The following CFH variants were observed in gnomAD, a reference collection of about 807,000 sequenced individuals.
CFH encodes H factor 1 (complement).
In CFH, 53 loss-of-function variants were observed where a neutral mutation model predicts 147.3. That is an observed-to-expected ratio of 0.36 (90% CI 0.29 to 0.45). The LOEUF is 0.45. Among genes scored for constraint, CFH ranks in the 20% least tolerant of loss-of-function variants. The probability of loss-of-function intolerance (pLI) is 1.00; values close to 1 mark genes in which losing one functional copy is unlikely to be tolerated. For synonymous variants in CFH, 536 were observed against 489.4 expected (o/e 1.10, Z -1.26); for missense variants, 1,380 against 1,498.0 (o/e 0.92, Z 1.30).
At position 196,741,787 on chromosome 1, in the gene CFH, A is replaced by G. The variant is rs385543; in HGVS notation, c.2957-88A>G. On this transcript the variant is annotated intron_variant, in intron 18 of 21. Coordinates refer to ENST00000367429, the MANE Select transcript of CFH (RefSeq NM_000186.4). ...GTTGTACAGTATTCATTGATTCTAT[A>G]TATCGCTATTTTAGAATCCATTACA... The G allele has an allele frequency of 0.014, 16,719 of 1,215,488 alleles. 1,387 individuals are homozygous for G. In the African/African-American group the frequency reaches 0.2, roughly 14 times the overall value. The allele number at this position is 1,215,488 out of a possible 1,614,324, so 75.3% of individuals were successfully genotyped here. A position where few individuals can be genotyped will look rare whatever the true frequency, so the allele number is the denominator to read the frequency against.
intron 1 of CFH, among the ~76,000 whole-genome samples, chr1:196,662,991 C>G (rs557093776): frequency 1.3e-5 from 2 of 151,982 alleles, no homozygotes; most frequent in African/African-American, 4.8e-5. Flanking sequence ...TGATTAATAC[C>G]TGGTGGCGTC....
In CFH at chr1:196,663,295, A is replaced by G. The variant is rs182652776; in HGVS notation, c.59-9683A>G. On this transcript the variant is annotated intron_variant, in intron 1 of 21. Transcript: ENST00000367429. ...TGTGTGTCTCCATGTTGCATCCTGTATTATTTCTTTTGACCTGCCCTCCTG... is the reference window on the plus strand; with the variant it reads ...TGTGTGTCTCCATGTTGCATCCTGTGTTATTTCTTTTGACCTGCCCTCCTG... 3.3e-5 allele frequency among the ~76,000 whole-genome samples: 5 copies of G among 152,102 alleles called. No homozygotes were observed. In the East Asian group the frequency reaches 9.7e-4, roughly 29 times the overall value.
chr1:196,692,210 A>G (rs1484395607), intron 9 of CFH, among the ~76,000 whole-genome samples: 1 of 151,962 alleles, frequency 6.6e-6, no homozygotes, highest in Admixed American at 6.6e-5. Flanking sequence ...CCTCGCTGCA[A>G]CCTCCACTCC....
chr1:196,706,920 C>G (rs931212499), intron 9 of CFH, among the ~76,000 whole-genome samples: 9 of 152,086 alleles, frequency 5.9e-5, no homozygotes, highest in Admixed American at 5.9e-4. Context: ...TTTTTAGATA[C>G]ATTTTCAAGA....
intron 7 of CFH, among the ~76,000 whole-genome samples, chr1:196,689,183 A>G (rs1667938620): frequency 6.6e-6 from 1 of 152,154 alleles, no homozygotes; most frequent in African/African-American, 2.4e-5. Context: ...GAGAGCCTTC[A>G]TACAAATTTA....
In CFH at chr1:196,690,231, T is replaced by A; in HGVS notation, c.1328T>A (p.Ile443Asn). 6.2e-7 allele frequency: 1 copy of A among 1,613,252 alleles called. No homozygotes were observed. Among genetic ancestry groups the A allele is most frequent in the Non-Finnish European group, 8.5e-7 (1 of 1,179,498 alleles). ...GGCTGGTCTCCTACTCCCAGATGCATCCGTGTCAGTAAGTACACTACTCTG... is the reference window on the plus strand; with the variant it reads ...GGCTGGTCTCCTACTCCCAGATGCAACCGTGTCAGTAAGTACACTACTCTG... The part of the protein sequence containing the change: ...ENGWSPTPRC[I>N]RVKTCSKSSI... The change falls in exon 9 of 22, where the codon ATC (isoleucine) becomes AAC (asparagine). Residue 443 changes from isoleucine (I) to asparagine (N), a missense_variant. Ile to Asn is a moderately radical substitution (Grantham distance 149, BLOSUM62 -3). Transcript: ENST00000367429.
At chr1:196,687,159 C>A (rs1284832536) in intron 7 of CFH, among the ~76,000 whole-genome samples, 1 of 151,978 alleles carries the variant, frequency 6.6e-6, no homozygotes, top group Non-Finnish European at 1.5e-5. Context: ...ATATTAGCAG[C>A]AGTTATAAAA....
Position 196,715,744 on chromosome 1 carries a change from T to G in CFH, c.1671T>G (p.Gly557=). Residue 557 remains glycine, a synonymous_variant, in exon 11 of 22, where the codon GGT becomes GGG. Transcript: ENST00000367429. ...GTTCCATAGTGTGTGGTTACAATGG[T>G]TGGTCTGATTTACCCATATGTTATG... The part of the protein sequence containing the change: ...TTGSIVCGYN[G]WSDLPICYER... 1 of 1,612,648 alleles carries G rather than the reference T, an allele frequency of 6.2e-7. No homozygotes were observed. The highest frequency in any genetic ancestry group is 8.5e-7 in the Non-Finnish European group (1 of 1,179,068).
intron 9 of CFH, among the ~76,000 whole-genome samples, chr1:196,695,571 C>T (rs1482885680): frequency 6.6e-6 from 1 of 152,064 alleles, no homozygotes; most frequent in African/African-American, 2.4e-5. Flanking sequence ...ATGGGAATAG[C>T]ATTGTATGTA....
chr1:196,741,007 C>T (rs962957093), intron 18 of CFH: 11 of 562,938 alleles, frequency 2.0e-5, no homozygotes, highest in African/African-American at 5.6e-5. Flanking sequence ...GAACTTTAAG[C>T]ATCCTCTGAT....
intron 6 of CFH, among the ~76,000 whole-genome samples, chr1:196,680,040 T>C (rs1359706895): frequency 2.6e-5 from 4 of 151,898 alleles, no homozygotes; most frequent in African/African-American, 4.8e-5. Flanking sequence ...CATTGGTCTA[T>C]CATCAAAAAC....
intron 15 of CFH, among the ~76,000 whole-genome samples, chr1:196,732,845 G>A (rs901715679): frequency 2.6e-5 from 4 of 152,024 alleles, no homozygotes; most frequent in Non-Finnish European, 4.4e-5. Context: ...GTGAATGTGC[G>A]TGTTTATCTC....
chr1:196,673,625 C>T (rs570832524), intron 2 of CFH, among the ~76,000 whole-genome samples: 4 of 152,194 alleles, frequency 2.6e-5, no homozygotes, highest in South Asian at 2.1e-4. Context: ...CGTGAGCCAC[C>T]GTGCCCAGCC....
intron 4 of CFH, chr1:196,677,196 A>G (rs1558156264): frequency 3.2e-6 from 1 of 308,604 alleles, no homozygotes; most frequent in South Asian, 4.3e-5. Context: ...ATATTTCTTA[A>G]TTATTTAAAA....
intron 11 of CFH, among the ~76,000 whole-genome samples, chr1:196,718,816 C>A (rs1480926634): frequency 1.3e-5 from 2 of 152,010 alleles, no homozygotes; most frequent in African/African-American, 4.8e-5. Flanking sequence ...CTTTCTATTG[C>A]AAATTGTACA....
At chr1:196,688,430 G>A (rs1476905814) in intron 7 of CFH, among the ~76,000 whole-genome samples, 1 of 151,954 alleles carries the variant, frequency 6.6e-6, no homozygotes, top group Non-Finnish European at 1.5e-5. Flanking sequence ...TGGATATGAA[G>A]AAATATTTCT....
chr1:196,704,377 C>G (rs1668536255), intron 9 of CFH, among the ~76,000 whole-genome samples: 1 of 152,166 alleles, frequency 6.6e-6, no homozygotes, highest in Non-Finnish European at 1.5e-5. Flanking sequence ...GCTGGGATTA[C>G]AGGTGTGAGC....
chr1:196,726,996 C>T, intron 14 of CFH, 56 bp downstream of exon 14: 2 of 1,477,610 alleles, frequency 1.4e-6, no homozygotes, highest in Non-Finnish European at 1.9e-6. Context: ...TTTATTGTAA[C>T]AACAATAATT....
At chr1:196,737,704 C>A (rs1652610033) in intron 17 of CFH, 44 bp downstream of exon 17, 2 of 1,521,936 alleles carry the variant, frequency 1.3e-6, no homozygotes, top group African/African-American at 2.7e-5. Flanking sequence ...TAGTAGAATT[C>A]ATAAAAATAA....
Sources: gnomAD v4.1 joint callset for allele counts (sites outside exome capture counted in the v4.1 genomes callset) on GRCh38, gnomAD v4.1.1 for gene constraint, MANE v1.5 for transcripts, NCBI Gene and HGNC (gene_info 2026-07-23, HGNC 2026-07-21) for gene names.